Variants in GALNS observed in about 807,000 individuals in gnomAD.
GALNS encodes galactosamine (N-acetyl)-6-sulfatase, also known as N-acetylgalactosamine-6-sulfatase.
Under a neutral mutation model 65.9 loss-of-function variants are expected in GALNS, and 65 were observed. The ratio of observed to expected loss-of-function variants is 0.99; its 90% CI spans 0.81 to 1.21. GALNS has a LOEUF of 1.21. Ranked by LOEUF, GALNS falls within the 50% of genes most tolerant of loss-of-function variation. The pLI is 0.00. For missense variants in GALNS, 776 were observed against 700.7 expected (o/e 1.11, Z -1.21); for synonymous variants, 346 against 288.9 (o/e 1.20, Z -2.00).
rs1258727827 is a variant in GALNS at position 88,836,284 on chromosome 16, T to G, written c.567-17A>C. The stretch of plus-strand genomic sequence containing the variant: ...TCATAATATCTGAAAAGAACACAGA[T>G]CCAGACAGACTTCAGAATTTAGGCC... On this transcript the variant is annotated splice_polypyrimidine_tract_variant and intron_variant, in intron 5 of 13. Coordinates refer to ENST00000268695, the MANE Select transcript of GALNS (RefSeq NM_000512.5). The G allele has an allele frequency of 6.2e-7, 1 of 1,603,266 alleles. No homozygotes were observed. The highest frequency in any genetic ancestry group is 8.5e-7 in the Non-Finnish European group (1 of 1,173,238).
At chr16:88,840,920 C>T in intron 4 of GALNS, 72 bp downstream of exon 4, 1 of 1,200,470 alleles carries the variant, frequency 8.3e-7, no homozygotes, top group Non-Finnish European at 1.2e-6. Flanking sequence ...AACTTGTGGC[C>T]ATGTCCCTTG....
At chr16:88,815,040 G>A (rs1909482325) in intron 13 of GALNS, 1 of 981,752 alleles carries the variant, frequency 1.0e-6, no homozygotes, top group Non-Finnish European at 1.2e-6. Flanking sequence ...GCCTCGAGCA[G>A]TTTTGATGTG....
Position 88,841,052 on chromosome 16 carries a change from T to C in GALNS, c.362A>G (p.Glu121Gly). The change falls in exon 4 of 14, where the codon GAG (glutamate) becomes GGG (glycine). Residue 121 changes from glutamate to glycine, a missense_variant. Physicochemically the swap from Glu to Gly is moderately conservative, Grantham distance 98 (BLOSUM62 -2). Coordinates refer to ENST00000268695, the MANE Select transcript of GALNS (RefSeq NM_000512.5). Reference protein sequence around the residue: ...QEIVGGIPDSEQLLPELLKKA... With the variant: ...QEIVGGIPDSGQLLPELLKKA... ...CTTCAGAAGCTCCGGCAGGAGCTGC[T>C]CCGAGTCTGGGATGCCGCCCACAAT... is the stretch of plus-strand genomic sequence containing the variant. 6.2e-7 allele frequency: 1 copy of C among 1,613,208 alleles called. No homozygotes were observed. The highest frequency in any genetic ancestry group is 8.5e-7 in the Non-Finnish European group (1 of 1,179,994).
chr16:88,846,925 G>T (rs970012377), intron 1 of GALNS, among the ~76,000 whole-genome samples: 1 of 152,080 alleles, frequency 6.6e-6, no homozygotes, highest in African/African-American at 2.4e-5. Flanking sequence ...TGTGGCCAGG[G>T]GGTTACTGAG....
chr16:88,835,365 G>A lies in GALNS; in HGVS notation c.759-13C>T, dbSNP rs1201808258. 5 of 1,613,276 alleles carry A rather than the reference G, an allele frequency of 3.1e-6. No homozygotes were observed. The highest frequency in any genetic ancestry group is 4.2e-6 in the Non-Finnish European group (5 of 1,179,734). ...GGCGTCTCCATACCTGCAGGATGGT[G>A]ACAAAAGGCATCTCCATACCTGGAG... On this transcript the variant is annotated splice_polypyrimidine_tract_variant and intron_variant, in intron 7 of 13. Transcript: ENST00000268695.
At chr16:88,829,754 A>C (rs1567524450) in intron 9 of GALNS, among the ~76,000 whole-genome samples, 1 of 152,260 alleles carries the variant, frequency 6.6e-6, no homozygotes, top group Non-Finnish European at 1.5e-5. Flanking sequence ...CCTGATGTGT[A>C]GAATGAGTGG....
intron 1 of GALNS, among the ~76,000 whole-genome samples, chr16:88,854,457 C>T (rs140221389): frequency 3.1e-4 from 47 of 152,338 alleles, no homozygotes; most frequent in African/African-American, 1.0e-3. Context: ...GCACCATGGG[C>T]CCTTCAGGGA....
intron 11 of GALNS, 41 bp downstream of exon 11, chr16:88,824,726 T>C (rs923567896): frequency 3.9e-6 from 6 of 1,550,824 alleles, no homozygotes; most frequent in South Asian, 2.2e-5. Flanking sequence ...TGGATAGAGA[T>C]GGGGGCAGCT....
At chr16:88,838,464 T>C (rs1912372919) in intron 4 of GALNS, 1 of 152,902 alleles carries the variant, frequency 6.5e-6, no homozygotes, top group Admixed American at 6.5e-5. Flanking sequence ...GGAATGGCCA[T>C]CGCCAGGCAT....
chr16:88,817,132 C>G, intron 13 of GALNS: 1 of 985,476 alleles, frequency 1.0e-6, no homozygotes, highest in Non-Finnish European at 1.2e-6. Flanking sequence ...CCTTTGCGGC[C>G]ACTGCACACG....
chr16:88,832,839 C>T (rs922578476), intron 8 of GALNS, among the ~76,000 whole-genome samples: 6 of 152,232 alleles, frequency 3.9e-5, no homozygotes, highest in African/African-American at 1.4e-4. Context: ...AGCAGGGGGA[C>T]TGCTTGAACT....
intron 1 of GALNS, chr16:88,843,248 G>A: frequency 4.7e-6 from 6 of 1,278,908 alleles, no homozygotes; most frequent in Non-Finnish European, 6.1e-6. Context: ...TACACGTCTA[G>A]ATTTCAAAGT....
chr16:88,855,372 T>G (rs1022177520), intron 1 of GALNS: 2 of 702,542 alleles, frequency 2.8e-6, no homozygotes, highest in East Asian at 5.4e-5. Flanking sequence ...GTATCTACAC[T>G]GGCCCAGAGG....
chr16:88,829,531 C>A (rs1284273812), intron 9 of GALNS, among the ~76,000 whole-genome samples: 1 of 152,224 alleles, frequency 6.6e-6, no homozygotes, highest in Admixed American at 6.5e-5. Flanking sequence ...ACAAAGGCTG[C>A]CCTGGGCAGG....
Position 88,837,746 on chromosome 16 carries a change from G to A in GALNS, c.442C>T (p.Gln148Ter), listed in dbSNP as rs2143002464. Residue 148 changes from glutamine (Q) to a stop codon, truncating the protein, a stop_gained, in exon 5 of 14, where the codon CAG becomes TAG. Coordinates refer to ENST00000268695, the MANE Select transcript of GALNS (RefSeq NM_000512.5). LOFTEE classifies it high-confidence loss of function. Reference protein sequence around the residue: ...VGKWHLGHRPQFHPLKHGFDE... With the variant: ...VGKWHLGHRP Reference sequence around the variant, plus strand: ...AATCCGTGCTTCAGGGGGTGGAACTGGGGCCTGTGACCCAGATGCCTGGAA... The same window carrying A: ...AATCCGTGCTTCAGGGGGTGGAACTAGGGCCTGTGACCCAGATGCCTGGAA... 6.2e-7 allele frequency: 1 copy of A among 1,613,992 alleles called. No homozygotes were observed. Among genetic ancestry groups the A allele is most frequent in the African/African-American group, 1.3e-5 (1 of 75,042 alleles).
intron 5 of GALNS, among the ~76,000 whole-genome samples, chr16:88,836,559 C>T (rs1031838895): frequency 6.6e-6 from 1 of 151,852 alleles, no homozygotes. Flanking sequence ...GAGGCTGAGG[C>T]AGGAGAATTG....
At chr16:88,843,223 G>C in intron 1 of GALNS, 1 of 1,308,392 alleles carries the variant, frequency 7.6e-7, no homozygotes, top group South Asian at 1.2e-5. Flanking sequence ...AAATACACAG[G>C]CCCTCGTATG....
At position 88,851,689 on chromosome 16, in the gene GALNS, G is replaced by A. The variant is rs145812559; in HGVS notation, c.120+5069C>T. Among the ~76,000 whole-genome samples the A allele has an allele frequency of 4.6e-3, 695 of 152,262 alleles. 7 individuals carry two copies. Among genetic ancestry groups the A allele is most frequent in the African/African-American group, 0.016 (675 of 41,570 alleles). ...CGCTTTTCCAACGGTCTTAGCTAAC[G>A]ACACACCAGGAGATTATATCCCGGG... On this transcript the variant is annotated intron_variant, in intron 1 of 13. Transcript: ENST00000268695.
chr16:88,831,126 CCCA>C (rs1186471321), intron 9 of GALNS, among the ~76,000 whole-genome samples: 3 of 151,286 alleles, frequency 2.0e-5, no homozygotes, highest in African/African-American at 7.3e-5. Flanking sequence ...GGCTCCAGTC[CCCA>C]CCGAGAGCCT....
Sources: allele counts gnomAD v4.1 joint callset (sites outside exome capture counted in the v4.1 genomes callset), GRCh38; gene constraint gnomAD v4.1.1; transcripts MANE v1.5; gene names NCBI Gene and HGNC (gene_info 2026-07-23, HGNC 2026-07-21).